Variants in TINAG observed in about 807,000 individuals in gnomAD.
TINAG encodes the protein tubulointerstitial nephritis antigen.
A neutral mutation model predicts 72.7 loss-of-function variants in TINAG; 83 were observed. The observed-to-expected ratio is 1.14, with a 90% CI of 0.96 to 1.37. The LOEUF (loss-of-function observed/expected upper bound fraction) is 1.37. Ranked by LOEUF, TINAG falls within the 40% of genes most tolerant of loss-of-function variation. TINAG has a pLI of 0.00. For synonymous variants in TINAG, 234 were observed against 189.9 expected (o/e 1.23, Z -1.91); for missense variants, 685 against 576.6 (o/e 1.19, Z -1.93).
At chr6:54,327,159 G>T (rs1016783911) in intron 4 of TINAG, 13 of 1,547,390 alleles carry the variant, frequency 8.4e-6, no homozygotes, top group Non-Finnish European at 1.1e-5. Flanking sequence ...GAATGGGCTG[G>T]CAAGATGGCC....
At chr6:54,340,395 CAA>C (rs374080620) in intron 4 of TINAG, among the ~76,000 whole-genome samples, 9 of 125,266 alleles carry the variant, frequency 7.2e-5, no homozygotes, top group Admixed American at 8.3e-5. Context: ...TTTTATTAAG[CAA>C]AAAAAAAAAA....
intron 9 of TINAG, among the ~76,000 whole-genome samples, chr6:54,371,981 G>GTTTTTTTTTTTTTTGTTTGTTTTTTTT (rs1763625312): frequency 4.2e-5 from 3 of 71,420 alleles, no homozygotes; most frequent in Non-Finnish European, 7.9e-5. Flanking sequence ...TTCAAGTCAT[G>GTTTTTTTTTTTTTTGTTTGTTTTTTTT]TTTTTTTTTT....
rs867530915 is a variant in TINAG at position 54,343,290 on chromosome 6, G to A, written c.689G>A (p.Trp230Ter). Reference protein sequence around the residue: ...FFVASYKWPGWTHGPLDQKNC... With the variant: ...FFVASYKWPG ...GTTGCTTCTTATAAATGGCCTGGATGGACTCATGGCCCATTGGATCAAAAA... is the reference window on the plus strand; with the variant it reads ...GTTGCTTCTTATAAATGGCCTGGATAGACTCATGGCCCATTGGATCAAAAA... Residue 230 changes from tryptophan to a stop codon, truncating the protein, a stop_gained, in exon 5 of 11, where the codon TGG becomes TAG. Transcript: ENST00000259782. LOFTEE classifies it high-confidence loss of function. 6.3e-7 allele frequency: 1 copy of A among 1,586,458 alleles called. No homozygotes were observed. Among genetic ancestry groups the A allele is most frequent in the South Asian group, 1.2e-5 (1 of 86,076 alleles).
intron 2 of TINAG, among the ~76,000 whole-genome samples, chr6:54,320,997 G>A (rs1249403869): frequency 2.0e-5 from 3 of 152,208 alleles, no homozygotes; most frequent in South Asian, 4.1e-4. Context: ...AAAAGGACTA[G>A]CCTGCAGAAA....
intron 6 of TINAG, among the ~76,000 whole-genome samples, chr6:54,348,184 T>G (rs1358183116): frequency 6.6e-6 from 1 of 152,144 alleles, no homozygotes; most frequent in African/African-American, 2.4e-5. Context: ...GCTCTGGGTC[T>G]GCTATAGGAC....
At chr6:54,342,653 C>T (rs1785026861) in intron 4 of TINAG, among the ~76,000 whole-genome samples, 3 of 152,152 alleles carry the variant, frequency 2.0e-5, no homozygotes, top group African/African-American at 7.2e-5. Context: ...CAGGCGTGAG[C>T]CACCGTGCCC....
At position 54,343,242 on chromosome 6, in the gene TINAG, C is replaced by T. The variant is rs1359782980; in HGVS notation, c.641C>T (p.Thr214Ile). The T allele has an allele frequency of 1.3e-5, 21 of 1,570,984 alleles. No homozygotes were observed. The highest frequency in any genetic ancestry group is 1.5e-5 in the Non-Finnish European group (17 of 1,156,282). Residue 214 changes from threonine to isoleucine, a missense_variant, in exon 5 of 11, where the codon ACA becomes ATA. Thr to Ile is a moderately conservative substitution (Grantham distance 89). Coordinates refer to ENST00000259782, the MANE Select transcript of TINAG (RefSeq NM_014464.4). ...CCTCTTTAGGCTTCTTTACCTGCAA[C>T]AACTGATCTTCCAGAGTTTTTTGTT... ...MNEMTASLPA[T>I]TDLPEFFVAS...
intron 8 of TINAG, among the ~76,000 whole-genome samples, chr6:54,351,813 GA>G (rs1157108377): frequency 6.6e-6 from 1 of 151,724 alleles, no homozygotes; most frequent in Non-Finnish European, 1.5e-5. Flanking sequence ...TTAGGTCGTG[GA>G]TTGAAAAAAT....
At chr6:54,310,857 CTCTT>C (rs965384710) in intron 1 of TINAG, among the ~76,000 whole-genome samples, 20 of 144,682 alleles carry the variant, frequency 1.4e-4, no homozygotes, top group East Asian at 1.0e-3. Context: ...CTTTCTCTCG[CTCTT>C]TCTTTCTCTT....
chr6:54,365,460 G>A (rs1358293907), intron 9 of TINAG: 1 of 151,560 alleles, frequency 6.6e-6, no homozygotes, highest in African/African-American at 2.4e-5. Flanking sequence ...GGGCTTTGAA[G>A]CTCTTCCCAT....
At chr6:54,389,220 C>T (rs2150987624) in intron 10 of TINAG, among the ~76,000 whole-genome samples, 1 of 152,166 alleles carries the variant, frequency 6.6e-6, no homozygotes. Context: ...CGTCAATCTC[C>T]CTTCCTCCTT....
intron 9 of TINAG, among the ~76,000 whole-genome samples, chr6:54,377,830 A>G (rs1437535688): frequency 6.6e-6 from 1 of 152,158 alleles, no homozygotes; most frequent in Non-Finnish European, 1.5e-5. Flanking sequence ...CCTCAAGAAG[A>G]CAGGAACTCT....
rs533143553 is a variant in TINAG, at chr6:54,363,540, C to A, written c.1250+8904C>A. Among the ~76,000 whole-genome samples the A allele has an allele frequency of 2.2e-4, 32 of 145,056 alleles. No homozygotes were observed. The East Asian group carries it at 6.4e-3, about 29-fold the overall frequency. Reference sequence around the variant, plus strand: ...AATTATGGCAGGGAACGGTGTCATACAATGAGATGGAGAAAAAGTCTACTG... The same window carrying A: ...AATTATGGCAGGGAACGGTGTCATAAAATGAGATGGAGAAAAAGTCTACTG... On this transcript the variant is annotated intron_variant, in intron 9 of 10. Coordinates refer to ENST00000259782, the MANE Select transcript of TINAG (RefSeq NM_014464.4).
chr6:54,316,096 G>T (rs577523040), intron 1 of TINAG, among the ~76,000 whole-genome samples: 33 of 152,218 alleles, frequency 2.2e-4, no homozygotes, highest in Admixed American at 6.6e-4. Flanking sequence ...TTGCATGAAA[G>T]ATTTATTGGA....
chr6:54,371,038 GT>G (rs1173070516), intron 9 of TINAG, among the ~76,000 whole-genome samples: 1 of 152,072 alleles, frequency 6.6e-6, no homozygotes, highest in African/African-American at 2.4e-5. Context: ...CAAAGACATT[GT>G]AGGAATGTTG....
rs532942547 is a variant in TINAG, at chr6:54,356,495, A to C, written c.1250+1859A>C. On this transcript the variant is annotated intron_variant, in intron 9 of 10. Transcript: ENST00000259782. ...GAGGTTGCAGTGAGCTTAAATCTGC[A>C]CTCTGGGCAACAGAGTGAGACTCTG... 4.6e-5 allele frequency among the ~76,000 whole-genome samples: 7 copies of C among 151,972 alleles called. No homozygotes were observed. The East Asian group carries it at 1.4e-3, about 30-fold the overall frequency.
intron 10 of TINAG, among the ~76,000 whole-genome samples, chr6:54,385,497 T>C (rs1034985898): frequency 6.6e-6 from 1 of 151,546 alleles, no homozygotes; most frequent in Admixed American, 6.6e-5. Flanking sequence ...AAAATGAGTC[T>C]ATTTAAATTA....
chr6:54,331,342 A>G (rs568948257), intron 4 of TINAG, among the ~76,000 whole-genome samples: 102 of 152,360 alleles, frequency 6.7e-4, no homozygotes, highest in African/African-American at 2.3e-3. Flanking sequence ...CATAAACAGA[A>G]CCAATAACAA....
At chr6:54,358,933 C>G (rs1405895937) in intron 9 of TINAG, among the ~76,000 whole-genome samples, 1 of 151,818 alleles carries the variant, frequency 6.6e-6, no homozygotes, top group Non-Finnish European at 1.5e-5. Flanking sequence ...TGTTTCTAGA[C>G]TGCATTATGT....
Sources: allele counts gnomAD v4.1 joint callset (sites outside exome capture counted in the v4.1 genomes callset), GRCh38; gene constraint gnomAD v4.1.1; transcripts MANE v1.5; gene names NCBI Gene and HGNC (gene_info 2026-07-23, HGNC 2026-07-21).